Variants in FAF1 observed in about 807,000 individuals in gnomAD.
The protein encoded by FAF1 is Fas associated factor 1.
Under a neutral mutation model 92.5 loss-of-function variants are expected in FAF1, and 25 were observed. The ratio of observed to expected loss-of-function variants is 0.27; its 90% CI spans 0.20 to 0.38. FAF1 has a LOEUF of 0.38. FAF1 is among the 10% of genes least tolerant of loss of function. The pLI is 1.00. For missense variants in FAF1, 636 were observed against 793.3 expected (o/e 0.80, Z 2.38); for synonymous variants, 234 against 273.2 (o/e 0.86, Z 1.42).
intron 2 of FAF1, among the ~76,000 whole-genome samples, chr1:50,821,423 A>G (rs1421200092): frequency 6.6e-6 from 1 of 152,218 alleles, no homozygotes; most frequent in Non-Finnish European, 1.5e-5. Context: ...TATTAAAGGA[A>G]CATAAAAAAA....
chr1:50,663,899 A>G (rs1655503928), intron 7 of FAF1, among the ~76,000 whole-genome samples: 1 of 151,618 alleles, frequency 6.6e-6, no homozygotes, highest in South Asian at 2.1e-4. Flanking sequence ...TGATTTTATT[A>G]GCCTAAGAAA....
At chr1:50,668,939 A>G (rs1655749685) in intron 7 of FAF1, among the ~76,000 whole-genome samples, 1 of 152,154 alleles carries the variant, frequency 6.6e-6, no homozygotes, top group Non-Finnish European at 1.5e-5. Flanking sequence ...TCCATTAACA[A>G]AGCTATTCCT....
chr1:50,756,679 C>T (rs925624431), intron 4 of FAF1, among the ~76,000 whole-genome samples: 3 of 152,184 alleles, frequency 2.0e-5, no homozygotes, highest in South Asian at 4.1e-4. Context: ...AAGGGTTTAA[C>T]GGACTTATAG....
At chr1:50,847,373 GC>G (rs141362147) in intron 2 of FAF1, among the ~76,000 whole-genome samples, 30,476 of 148,056 alleles carry the variant, frequency 0.21, 3,906 homozygotes, top group Middle Eastern at 0.43. Flanking sequence ...CAATACCTAA[GC>G]CAGATGGGTA....
intron 6 of FAF1, among the ~76,000 whole-genome samples, chr1:50,709,879 A>G (rs1350689710): frequency 6.6e-6 from 1 of 152,262 alleles, no homozygotes; most frequent in Non-Finnish European, 1.5e-5. Context: ...AGAATACTTT[A>G]AAGTACTATG....
At chr1:50,680,255 T>A (rs1656359453) in intron 7 of FAF1, among the ~76,000 whole-genome samples, 1 of 152,210 alleles carries the variant, frequency 6.6e-6, no homozygotes, top group Non-Finnish European at 1.5e-5. Context: ...TGTTTTTTGG[T>A]TTGTTCCCTG....
At chr1:50,941,938 A>T (rs1645136780) in intron 1 of FAF1, among the ~76,000 whole-genome samples, 1 of 152,236 alleles carries the variant, frequency 6.6e-6, no homozygotes, top group Non-Finnish European at 1.5e-5. Flanking sequence ...TTATGCCAGT[A>T]AACTGCAGCT....
intron 2 of FAF1, among the ~76,000 whole-genome samples, chr1:50,822,774 C>CTTTTTT (rs772097310): frequency 8.0e-6 from 1 of 125,234 alleles, no homozygotes; most frequent in East Asian, 2.2e-4. Context: ...TTCTTTCTTT[C>CTTTTTT]TTTTTTTTTT....
At chr1:50,909,048 A>T (rs561258236) in intron 1 of FAF1, among the ~76,000 whole-genome samples, 5 of 152,136 alleles carry the variant, frequency 3.3e-5, no homozygotes, top group Non-Finnish European at 7.4e-5. Flanking sequence ...CTTCCTTCAG[A>T]AGCTCTTGTA....
At chr1:50,618,420 T>G (rs1019630145) in intron 8 of FAF1, among the ~76,000 whole-genome samples, 16 of 145,972 alleles carry the variant, frequency 1.1e-4, no homozygotes, top group Non-Finnish European at 2.2e-4. Flanking sequence ...TAGAGTTTTT[T>G]TTTTTTTTTT....
At position 50,479,304 on chromosome 1, in the gene FAF1, G is replaced by A. The variant is rs1309681427; in HGVS notation, c.1654-3625C>T. Among the ~76,000 whole-genome samples, 7 of 151,648 alleles carry A rather than the reference G, an allele frequency of 4.6e-5. No homozygotes were observed. In the South Asian group the frequency reaches 1.0e-3, roughly 23 times the overall value. On this transcript the variant is annotated intron_variant, in intron 17 of 18. Transcript: ENST00000396153. ...CCAGCTGCCTAGTCAGTTCTGATGAGAGAACCTGAATACTTGGTTGCTGGT... is the reference window on the plus strand; with the variant it reads ...CCAGCTGCCTAGTCAGTTCTGATGAAAGAACCTGAATACTTGGTTGCTGGT...
At chr1:50,626,724 T>C (rs1237329335) in intron 8 of FAF1, among the ~76,000 whole-genome samples, 1 of 152,138 alleles carries the variant, frequency 6.6e-6, no homozygotes, top group Non-Finnish European at 1.5e-5. Flanking sequence ...TAAAAAGTGT[T>C]ATTCTGATAT....
At chr1:50,816,426 A>C (rs1643976291) in intron 2 of FAF1, among the ~76,000 whole-genome samples, 1 of 151,544 alleles carries the variant, frequency 6.6e-6, no homozygotes, top group Non-Finnish European at 1.5e-5. Context: ...GGATGGTTTC[A>C]ATCTCCTGAC....
intron 17 of FAF1, among the ~76,000 whole-genome samples, chr1:50,486,244 G>A (rs1646767296): frequency 1.3e-5 from 2 of 152,164 alleles, no homozygotes; most frequent in Non-Finnish European, 2.9e-5. Context: ...TTTCTTTCTA[G>A]AGAACCATCA....
At chr1:50,872,142 T>C (rs1011585974) in intron 1 of FAF1, among the ~76,000 whole-genome samples, 14 of 152,132 alleles carry the variant, frequency 9.2e-5, no homozygotes, top group African/African-American at 3.4e-4. Context: ...ATTCCTCTTA[T>C]GGATCTGGGC....
chr1:50,468,988 G>A (rs557029733), intron 18 of FAF1, among the ~76,000 whole-genome samples: 46 of 152,274 alleles, frequency 3.0e-4, no homozygotes, highest in African/African-American at 1.1e-3. Context: ...AACTGCCCTT[G>A]CTAGTATTTT....
chr1:50,491,354 T>G (rs1646837052), intron 16 of FAF1, among the ~76,000 whole-genome samples: 1 of 152,164 alleles, frequency 6.6e-6, no homozygotes, highest in Non-Finnish European at 1.5e-5. Flanking sequence ...TCTCTCTCCT[T>G]CAAAGCTCAA....
chr1:50,744,428 C>T (rs1253703288), intron 5 of FAF1, among the ~76,000 whole-genome samples: 1 of 152,130 alleles, frequency 6.6e-6, no homozygotes, highest in Non-Finnish European at 1.5e-5. Flanking sequence ...GGCCAAACTC[C>T]TTTAAAAGTT....
chr1:50,745,125 C>T (rs550568255), intron 4 of FAF1, among the ~76,000 whole-genome samples: 27 of 152,034 alleles, frequency 1.8e-4, no homozygotes, highest in African/African-American at 6.5e-4. Flanking sequence ...CTGTTGAAAC[C>T]CTGTCTCTAT....
Sources: gnomAD v4.1 joint callset for allele counts (sites outside exome capture counted in the v4.1 genomes callset) on GRCh38, gnomAD v4.1.1 for gene constraint, MANE v1.5 for transcripts, NCBI Gene and HGNC (gene_info 2026-07-23, HGNC 2026-07-21) for gene names.